LARGE1: variants seen among roughly 807,000 people sequenced by gnomAD.
The protein encoded by LARGE1 is xylosyl- and glucuronyltransferase LARGE1.
A neutral mutation model predicts 87.6 loss-of-function variants in LARGE1; 43 were observed. The observed-to-expected ratio is 0.49, with a 90% CI of 0.38 to 0.63. The LOEUF is 0.63. Among genes scored for constraint, LARGE1 ranks in the 30% least tolerant of loss-of-function variants. The pLI is 0.00. For synonymous variants in LARGE1, 434 were observed against 394.6 expected, an observed-to-expected ratio of 1.10 and a Z score of -1.18; for missense variants, 802 against 1,000.2, an observed-to-expected ratio of 0.80 and a Z score of 2.67.
intron 5 of LARGE1, among the ~76,000 whole-genome samples, chr22:33,600,812 T>C (rs759049112): frequency 6.6e-6 from 1 of 152,112 alleles, no homozygotes; most frequent in Non-Finnish European, 1.5e-5. Flanking sequence ...TTTGGGAGAC[T>C]GAGGTAGGCA....
chr22:33,141,204 A>T, the LARGE1 span, among the ~76,000 whole-genome samples: 7 of 151,642 alleles, frequency 4.6e-5, no homozygotes, highest in African/African-American at 1.7e-4. Flanking sequence ...TCACACACAC[A>T]CACACACACA....
intron 2 of LARGE1, among the ~76,000 whole-genome samples, chr22:33,721,279 T>C (rs1036822845): frequency 2.2e-4 from 33 of 152,302 alleles, no homozygotes; most frequent in African/African-American, 7.7e-4. Flanking sequence ...GAACAAGACA[T>C]TAAATCAGAG....
At chr22:33,758,720 T>G (rs772132880) in intron 2 of LARGE1, among the ~76,000 whole-genome samples, 9 of 152,208 alleles carry the variant, frequency 5.9e-5, no homozygotes, top group Non-Finnish European at 1.2e-4. Context: ...TCAACACATC[T>G]AACCATAAAC....
chr22:33,886,675 G>GA (rs1211215216), intron 1 of LARGE1, among the ~76,000 whole-genome samples: 1 of 64,718 alleles, frequency 1.5e-5, no homozygotes, highest in African/African-American at 4.4e-5. Flanking sequence ...AAAAAAAAAA[G>GA]AAAAAAAAAG....
rs561194114 is a variant in LARGE1 at position 33,426,750 on chromosome 22, TCCTC to T, written c.892+5407_892+5410del. Among the ~76,000 whole-genome samples, 311 of 152,296 alleles carry T rather than the reference TCCTC, an allele frequency of 2.0e-3. 3 individuals carry two copies. The highest frequency in any genetic ancestry group is 3.6e-3 in the Non-Finnish European group (246 of 68,024). On this transcript the variant is annotated intron_variant, in intron 7 of 14. Transcript: ENST00000397394. ...AGAGAAGGATTCCGAGAGAAATTCT[TCCTC>T]CCTCCCTAAACAGCCAGGTCTCCAT...
At chr22:33,421,702 C>T (rs62225293) in intron 7 of LARGE1, among the ~76,000 whole-genome samples, 47 of 152,344 alleles carry the variant, frequency 3.1e-4, no homozygotes, top group Non-Finnish European at 5.3e-4. Flanking sequence ...TATAACCATC[C>T]TCAACTCACA....
intron 7 of LARGE1, among the ~76,000 whole-genome samples, chr22:33,392,709 G>A (rs550020242): frequency 2.6e-5 from 4 of 152,152 alleles, no homozygotes; most frequent in Admixed American, 6.5e-5. Flanking sequence ...TCTTTAAAGT[G>A]GATGCCACTT....
chr22:33,646,117 G>A (rs1427992147), intron 3 of LARGE1, among the ~76,000 whole-genome samples: 1 of 152,098 alleles, frequency 6.6e-6, no homozygotes, highest in African/African-American at 2.4e-5. Flanking sequence ...AAATCATTCT[G>A]CCATAAAGAC....
At chr22:33,664,228 C>T (rs762318198) in intron 2 of LARGE1, among the ~76,000 whole-genome samples, 62 of 152,192 alleles carry the variant, frequency 4.1e-4, no homozygotes, top group Non-Finnish European at 1.8e-4. Context: ...ACTTAGGAGT[C>T]CTTTCATGTC....
chr22:33,316,228 C>T lies in LARGE1; in HGVS notation c.1308G>A (p.Glu436=). The T allele has an allele frequency of 6.2e-7, 1 of 1,613,834 alleles. No homozygotes were observed. Among genetic ancestry groups the T allele is most frequent in the Non-Finnish European group, 8.5e-7 (1 of 1,179,930 alleles). Residue 436 remains glutamate (E), a synonymous_variant, in exon 11 of 15, where the codon GAG becomes GAA. Coordinates refer to ENST00000397394, the MANE Select transcript of LARGE1 (RefSeq NM_133642.5). ...CATAGCACAGGTCGTCCTCGTCCAG[C>T]TCAGACAGCTGCTTCTGGAGCTGCA... ...NSENLQKQLS[E]LDEDDLCYEF...
chr22:33,400,194 A>C (rs1427296111), intron 7 of LARGE1, among the ~76,000 whole-genome samples: 1 of 152,228 alleles, frequency 6.6e-6, no homozygotes, highest in Non-Finnish European at 1.5e-5. Flanking sequence ...AGGCCACTGC[A>C]GTTACAGTAG....
the LARGE1 span, among the ~76,000 whole-genome samples, chr22:33,129,427 G>T: frequency 3.9e-5 from 6 of 152,010 alleles, no homozygotes; most frequent in Non-Finnish European, 8.8e-5. Flanking sequence ...ATTGCAATAA[G>T]GTTTTATACC....
chr22:33,734,987 G>T (rs1157159193), intron 2 of LARGE1, among the ~76,000 whole-genome samples: 2 of 152,186 alleles, frequency 1.3e-5, no homozygotes, highest in Non-Finnish European at 2.9e-5. Context: ...ATCAGAATCT[G>T]CCAGCCCAAA....
chr22:33,609,802 G>A (rs1465726685), intron 4 of LARGE1, among the ~76,000 whole-genome samples: 1 of 152,050 alleles, frequency 6.6e-6, no homozygotes, highest in Non-Finnish European at 1.5e-5. Context: ...GCTTGGTGCT[G>A]TCCTCATGAT....
At chr22:33,524,318 A>T (rs2071769898) in intron 6 of LARGE1, among the ~76,000 whole-genome samples, 1 of 151,706 alleles carries the variant, frequency 6.6e-6, no homozygotes, top group African/African-American at 2.4e-5. Context: ...ATAATAATAA[A>T]ATCAAGCCCA....
chr22:33,186,427 A>G (rs1209697863), intron 11 of LARGE1, among the ~76,000 whole-genome samples: 1 of 152,198 alleles, frequency 6.6e-6, no homozygotes, highest in African/African-American at 2.4e-5. Context: ...TAGCAAAAGT[A>G]TATGACACAA....
chr22:33,556,341 G>A (rs539209833), intron 6 of LARGE1, among the ~76,000 whole-genome samples: 17 of 151,914 alleles, frequency 1.1e-4, no homozygotes, highest in African/African-American at 4.1e-4. Flanking sequence ...GATGGTTCAG[G>A]GCATGACACA....
chr22:33,216,857 T>G (rs137457), intron 11 of LARGE1, among the ~76,000 whole-genome samples: 65,291 of 151,992 alleles, frequency 0.43, 17,798 homozygotes, highest in African/African-American at 0.79. Flanking sequence ...GAAGCCAGCA[T>G]AGGGCTTGGA....
At chr22:33,517,215 A>C (rs1266483774) in intron 6 of LARGE1, among the ~76,000 whole-genome samples, 2 of 152,136 alleles carry the variant, frequency 1.3e-5, no homozygotes, top group Non-Finnish European at 2.9e-5. Context: ...TACTAAGAGA[A>C]GCTACGATAG....
Sources: gnomAD v4.1 joint callset for allele counts (sites outside exome capture counted in the v4.1 genomes callset) on GRCh38, gnomAD v4.1.1 for gene constraint, MANE v1.5 for transcripts, NCBI Gene and HGNC (gene_info 2026-07-23, HGNC 2026-07-21) for gene names.